Variants in CHMP2B observed in about 807,000 individuals in gnomAD.
The protein encoded by CHMP2B is charged multivesicular body protein 2B.
A neutral mutation model predicts 29.8 loss-of-function variants in CHMP2B; 22 were observed. That is an observed-to-expected ratio of 0.74 (90% CI 0.53 to 1.05). CHMP2B has a LOEUF of 1.05. Ranked by LOEUF, CHMP2B falls within the 50% of genes least tolerant of loss-of-function variation. The pLI is 0.00. For synonymous variants in CHMP2B, 78 were observed against 75.8 expected (o/e 1.03, Z -0.15); for missense variants, 261 against 252.2 (o/e 1.03, Z -0.24).
intron 1 of CHMP2B, among the ~76,000 whole-genome samples, chr3:87,237,500 GTT>G (rs1312513786): frequency 6.6e-6 from 1 of 152,122 alleles, no homozygotes; most frequent in Non-Finnish European, 1.5e-5. Context: ...GAGAAAATAC[GTT>G]TTCATTGTTT....
intron 1 of CHMP2B, among the ~76,000 whole-genome samples, chr3:87,239,456 T>C (rs1237564866): frequency 1.3e-5 from 2 of 152,180 alleles, no homozygotes; most frequent in Non-Finnish European, 2.9e-5. Context: ...AAGGTCCAAC[T>C]TTATTCTTTT....
chr3:87,228,407 C>T (rs959944505), intron 1 of CHMP2B, among the ~76,000 whole-genome samples: 5 of 152,212 alleles, frequency 3.3e-5, no homozygotes, highest in Non-Finnish European at 5.9e-5. Context: ...ATTGTGTTCC[C>T]CATTATATGT....
rs11540916 is a variant in CHMP2B, at chr3:87,254,697, A to G, written c.*875A>G. 1 of 151,894 alleles carries G rather than the reference A, an allele frequency of 6.6e-6. No individual in the cohort carries two copies. The highest frequency in any genetic ancestry group is 1.5e-5 in the Non-Finnish European group (1 of 67,878). 9.4% of individuals were successfully genotyped at this position (151,894 alleles called of 1,614,324 possible). A position where few individuals can be genotyped will look rare whatever the true frequency, so the allele number is the denominator to read the frequency against. ...TAAAAATAGACGATGAATAAATAAC[A>G]CTTTATAGTAAGAAAACAATATATT... On this transcript the variant is annotated 3_prime_UTR_variant, in exon 6 of 6. Coordinates refer to ENST00000263780, the MANE Select transcript of CHMP2B (RefSeq NM_014043.4).
intron 1 of CHMP2B, among the ~76,000 whole-genome samples, chr3:87,239,155 A>G (rs1408319280): frequency 3.3e-5 from 5 of 152,166 alleles, no homozygotes; most frequent in Admixed American, 2.6e-4. Context: ...AGAATTTTTT[A>G]TATATTCTGC....
intron 5 of CHMP2B, 40 bp downstream of exon 5, chr3:87,253,550 C>T: frequency 1.4e-6 from 2 of 1,427,370 alleles, no homozygotes; most frequent in Non-Finnish European, 2.0e-6. Flanking sequence ...ATAGTTTCTG[C>T]CTACCACGTT....
Position 87,227,535 on chromosome 3 carries a change from T to C in CHMP2B, c.13T>C (p.Phe5Leu). The C allele has an allele frequency of 1.2e-6, 2 of 1,614,148 alleles. No individual in the cohort carries two copies. Among genetic ancestry groups the C allele is most frequent in the African/African-American group, 1.3e-5 (1 of 75,052 alleles). The part of the protein sequence containing the change: MASL[F>L]KKKTVDDVIK... ...GCAGTCTTTAACCATGGCGTCCCTC[T>C]TCAAGAAGAAAACCGTGGATGGTGA... The change falls in exon 1 of 6, where the codon TTC becomes CTC. Residue 5 changes from phenylalanine to leucine, a missense_variant. Phe to Leu is a conservative substitution (Grantham distance 22). Coordinates refer to ENST00000263780, the MANE Select transcript of CHMP2B (RefSeq NM_014043.4).
At chr3:87,240,413 C>G (rs894575528) in intron 1 of CHMP2B, 1 of 293,354 alleles carries the variant, frequency 3.4e-6, no homozygotes, top group Non-Finnish European at 6.7e-6. Context: ...CAGATTCAAG[C>G]GATTCTTCTA....
At position 87,227,638 on chromosome 3, in the gene CHMP2B, A is replaced by T. The variant is rs1452791901; in HGVS notation, c.34+82A>T. 1.9e-6 allele frequency: 3 copies of T among 1,552,388 alleles called. No homozygotes were observed. The African/African-American group carries it at 4.1e-5, about 21-fold the overall frequency. ...AGGCCTGCTGGCCGCGATTCTGCCT[A>T]CTGTCCCTGGAGGCGGGGCTGGATC... is the stretch of plus-strand genomic sequence containing the variant. On this transcript the variant is annotated intron_variant, in intron 1 of 5. Transcript: ENST00000263780.
At chr3:87,236,942 AG>A (rs1706026277) in intron 1 of CHMP2B, among the ~76,000 whole-genome samples, 1 of 152,182 alleles carries the variant, frequency 6.6e-6, no homozygotes, top group Non-Finnish European at 1.5e-5. Flanking sequence ...TAGTACACAA[AG>A]GGGTTGTACT....
intron 1 of CHMP2B, 99 bp downstream of exon 1, chr3:87,227,655 G>T: frequency 6.6e-7 from 1 of 1,509,176 alleles, no homozygotes; most frequent in Non-Finnish European, 9.2e-7. Flanking sequence ...CTGGAGGCGG[G>T]GCTGGATCAA....
At chr3:87,229,179 G>A (rs1360126403) in intron 1 of CHMP2B, among the ~76,000 whole-genome samples, 2 of 151,968 alleles carry the variant, frequency 1.3e-5, no homozygotes, top group Non-Finnish European at 2.9e-5. Context: ...GTGCTTCCTG[G>A]TGCTTTTGGA....
chr3:87,240,822 T>C (rs1706104520), intron 2 of CHMP2B, 32 bp downstream of exon 2: 3 of 1,542,306 alleles, frequency 1.9e-6, no homozygotes, highest in Non-Finnish European at 2.7e-6. Flanking sequence ...AGTTTAACTT[T>C]TCAAACAAAT....
chr3:87,233,916 T>G (rs1705951040), intron 1 of CHMP2B, among the ~76,000 whole-genome samples: 2 of 152,258 alleles, frequency 1.3e-5, no homozygotes, highest in Non-Finnish European at 2.9e-5. Context: ...GACCTTATAG[T>G]GAAAAACACA....
intron 1 of CHMP2B, among the ~76,000 whole-genome samples, chr3:87,239,308 A>G (rs886185752): frequency 2.6e-5 from 4 of 151,438 alleles, no homozygotes; most frequent in Non-Finnish European, 5.9e-5. Context: ...TTTGTTCTTT[A>G]TGCTTTTAAT....
At chr3:87,253,650 C>A in intron 5 of CHMP2B, 62 bp from the exon 6 acceptor site, 1 of 1,425,560 alleles carries the variant, frequency 7.0e-7, no homozygotes, top group Non-Finnish European at 9.9e-7. Context: ...TACAGCACAT[C>A]CTGTATGTCC....
intron 1 of CHMP2B, chr3:87,240,360 G>A (rs1227651194): frequency 1.2e-5 from 2 of 172,998 alleles, no homozygotes; most frequent in African/African-American, 4.8e-5. Context: ...TGGAGTGCTG[G>A]AGTGCAATGG....
intron 1 of CHMP2B, 112 bp downstream of exon 1, chr3:87,227,668 G>A: frequency 7.2e-7 from 1 of 1,389,596 alleles, no homozygotes; most frequent in Non-Finnish European, 1.0e-6. Flanking sequence ...TGGATCAAGT[G>A]GTCCCACAGG....
intron 1 of CHMP2B, among the ~76,000 whole-genome samples, chr3:87,236,744 C>T (rs912316529): frequency 3.3e-5 from 5 of 152,036 alleles, no homozygotes; most frequent in Admixed American, 6.5e-5. Flanking sequence ...TGCCTGTAAT[C>T]TCAGCTACTT....
chr3:87,246,876 C>T (rs531755571), intron 3 of CHMP2B, among the ~76,000 whole-genome samples: 147 of 152,294 alleles, frequency 9.7e-4, no homozygotes, highest in African/African-American at 3.5e-3. Context: ...CTCTTGGAAC[C>T]TACCCACTAT....
Sources: gnomAD v4.1 joint callset for allele counts (sites outside exome capture counted in the v4.1 genomes callset) on GRCh38, gnomAD v4.1.1 for gene constraint, MANE v1.5 for transcripts, NCBI Gene and HGNC (gene_info 2026-07-23, HGNC 2026-07-21) for gene names.